Variants in CLVS1 observed in about 807,000 individuals in gnomAD.
CLVS1 encodes clavesin 1.
Under a neutral mutation model 33.1 loss-of-function variants are expected in CLVS1, and 10 were observed. The observed-to-expected ratio is 0.30, with a 90% confidence interval of 0.19 to 0.51. CLVS1 has a LOEUF of 0.51. Among genes scored for constraint, CLVS1 ranks in the 20% least tolerant of loss-of-function variants. The pLI is 0.97. For synonymous variants in CLVS1, 163 were observed against 166.1 expected, an observed-to-expected ratio of 0.98 and a Z score of 0.14; for missense variants, 343 against 433.4, an observed-to-expected ratio of 0.79 and a Z score of 1.85.
intron 3 of CLVS1, among the ~76,000 whole-genome samples, chr8:61,394,829 C>T (rs951029827): frequency 3.3e-5 from 5 of 152,104 alleles, no homozygotes; most frequent in African/African-American, 1.2e-4. Context: ...CTTTTCTCCA[C>T]ATCCTCACCA....
chr8:61,209,687 T>A (rs1428657589), intron 2 of CLVS1, among the ~76,000 whole-genome samples: 1 of 150,736 alleles, frequency 6.6e-6, no homozygotes, highest in Non-Finnish European at 1.5e-5. Context: ...AAGAGAAGAT[T>A]TAAGGAAAAG....
intron 2 of CLVS1, among the ~76,000 whole-genome samples, chr8:61,159,155 C>A (rs111996115): frequency 6.6e-6 from 1 of 152,124 alleles, no homozygotes; most frequent in African/African-American, 2.4e-5. Context: ...TTGATTACAG[C>A]GATGAGCCAT....
At chr8:61,129,320 T>C (rs1372150701) in intron 1 of CLVS1, among the ~76,000 whole-genome samples, 1 of 152,206 alleles carries the variant, frequency 6.6e-6, no homozygotes, top group Non-Finnish European at 1.5e-5. Flanking sequence ...GTGATTAGAG[T>C]ACACTGATTT....
the CLVS1 span, among the ~76,000 whole-genome samples, chr8:60,972,686 C>A: frequency 6.6e-6 from 1 of 152,158 alleles, no homozygotes; most frequent in African/African-American, 2.4e-5. Flanking sequence ...GGCCCCCACC[C>A]ATAAGTGGAC....
intron 3 of CLVS1, among the ~76,000 whole-genome samples, chr8:61,390,659 G>T (rs1295075528): frequency 6.6e-6 from 1 of 152,128 alleles, no homozygotes; most frequent in Non-Finnish European, 1.5e-5. Flanking sequence ...GGGACAATTT[G>T]CCATACGTCT....
chr8:60,988,233 G>T, the CLVS1 span, among the ~76,000 whole-genome samples: 1 of 152,140 alleles, frequency 6.6e-6, no homozygotes, highest in South Asian at 2.1e-4. Context: ...GTAGAGACTG[G>T]GGGGTGCAGA....
intron 1 of CLVS1, among the ~76,000 whole-genome samples, chr8:61,064,536 C>CTTTTTTT (rs1563389429): frequency 7.1e-6 from 1 of 141,444 alleles, no homozygotes. Context: ...GTTCTTTGCC[C>CTTTTTTT]ATTTTTTTTT....
intron 2 of CLVS1, among the ~76,000 whole-genome samples, chr8:61,146,986 GCT>G (rs1299679798): frequency 1.3e-5 from 2 of 152,210 alleles, no homozygotes; most frequent in African/African-American, 4.8e-5. Flanking sequence ...AGGTATGTAT[GCT>G]CAACCTGCAA....
chr8:61,266,693 T>C (rs1809309884), intron 2 of CLVS1, among the ~76,000 whole-genome samples: 1 of 152,210 alleles, frequency 6.6e-6, no homozygotes, highest in Non-Finnish European at 1.5e-5. Context: ...CCTGTGGCAA[T>C]AGCTTCACTC....
the CLVS1 span, among the ~76,000 whole-genome samples, chr8:61,032,992 GGAAAGAAAGAAAGAAAGAAA>G: frequency 8.9e-5 from 4 of 44,802 alleles, no homozygotes; most frequent in East Asian, 1.3e-3. Context: ...AAGGAAGGAA[GGAAAGAAAGAAAGAAAGAAA>G]GAAAGAAAGA....
At chr8:60,971,597 C>T in the CLVS1 span, among the ~76,000 whole-genome samples, 46 of 152,146 alleles carry the variant, frequency 3.0e-4, no homozygotes, top group African/African-American at 1.1e-3. Flanking sequence ...GGGTTGTTTA[C>T]ACATGTTTAT....
At chr8:61,402,498 C>G (rs563088016) in intron 3 of CLVS1, among the ~76,000 whole-genome samples, 11 of 151,964 alleles carry the variant, frequency 7.2e-5, no homozygotes, top group Non-Finnish European at 1.6e-4. Context: ...AGCTGTGGCC[C>G]GAGATCACAA....
the CLVS1 span, among the ~76,000 whole-genome samples, chr8:60,979,306 C>T: frequency 6.6e-6 from 1 of 152,238 alleles, no homozygotes; most frequent in Non-Finnish European, 1.5e-5. Context: ...GGCCTGCCCT[C>T]TGAATTGAAG....
chr8:61,230,722 T>G (rs1212198410), intron 2 of CLVS1, among the ~76,000 whole-genome samples: 1 of 152,202 alleles, frequency 6.6e-6, no homozygotes, highest in Non-Finnish European at 1.5e-5. Flanking sequence ...TTAGCATGTG[T>G]CTTGTTCTAT....
chr8:61,498,752 T>C (rs1439077677), intron 5 of CLVS1, among the ~76,000 whole-genome samples: 1 of 152,178 alleles, frequency 6.6e-6, no homozygotes, highest in Non-Finnish European at 1.5e-5. Flanking sequence ...TCAACAACTG[T>C]GGGAAGTAGG....
intron 1 of CLVS1, among the ~76,000 whole-genome samples, chr8:61,123,855 T>G (rs1253867960): frequency 6.6e-6 from 1 of 152,222 alleles, no homozygotes. Flanking sequence ...TGCAACAGTC[T>G]GATCATCAAA....
rs560988406 is a variant in CLVS1, at chr8:61,141,162, C to G, written c.-152+9302C>G. ...AAGCAAAATAATGTGTATAAAATGT[C>G]TGCAGCCCTCTAGGTCCTCCATATT... is the stretch of plus-strand genomic sequence containing the variant. On this transcript the variant is annotated intron_variant, in intron 2 of 2. Transcript: ENST00000522621. 9.2e-5 allele frequency among the ~76,000 whole-genome samples: 14 copies of G among 152,330 alleles called. No individual in the cohort carries two copies. The South Asian group carries it at 2.9e-3, about 32-fold the overall frequency.
intron 1 of CLVS1, among the ~76,000 whole-genome samples, chr8:61,291,625 TAAAC>T (rs956389574): frequency 6.6e-6 from 1 of 152,040 alleles, no homozygotes; most frequent in Admixed American, 6.5e-5. Flanking sequence ...TAAAACAAAA[TAAAC>T]AAAACCCATG....
chr8:61,186,122 C>G (rs979097519), intron 2 of CLVS1, among the ~76,000 whole-genome samples: 15 of 152,088 alleles, frequency 9.9e-5, no homozygotes, highest in Non-Finnish European at 1.9e-4. Context: ...ACATCTCATG[C>G]CAACACTGCA....
Sources: allele counts gnomAD v4.1 joint callset (sites outside exome capture counted in the v4.1 genomes callset), GRCh38; gene constraint gnomAD v4.1.1; transcripts MANE v1.5; gene names NCBI Gene and HGNC (gene_info 2026-07-23, HGNC 2026-07-21).